Variants in DPP6 observed in about 807,000 individuals in gnomAD.
The protein encoded by DPP6 is A-type potassium channel modulatory protein DPP6.
DPP6 carries 69 observed loss-of-function variants against 122.6 expected under a neutral mutation model. The observed-to-expected ratio is 0.56, with a 90% CI of 0.46 to 0.69. The LOEUF (loss-of-function observed/expected upper bound fraction) is 0.69, where lower values mean the gene tolerates loss of function less well. Among genes scored for constraint, DPP6 ranks in the 30% least tolerant of loss-of-function variants. DPP6 has a pLI of 0.00. For missense variants in DPP6, 928 were observed against 1,116.9 expected (o/e 0.83, Z 2.41); for synonymous variants, 418 against 433.1 (o/e 0.97, Z 0.43).
At chr7:154,128,569 T>C (rs964884863) in intron 1 of DPP6, among the ~76,000 whole-genome samples, 14 of 152,168 alleles carry the variant, frequency 9.2e-5, no homozygotes, top group Admixed American at 2.0e-4. Context: ...GCCTGGCTAA[T>C]TTTTTGTATT....
At chr7:154,813,883 T>TA (rs1305580399) in intron 16 of DPP6, among the ~76,000 whole-genome samples, 1 of 145,596 alleles carries the variant, frequency 6.9e-6, no homozygotes, top group East Asian at 2.0e-4. Flanking sequence ...ATTTCTTTTT[T>TA]TTTTTTTTTT....
intron 1 of DPP6, among the ~76,000 whole-genome samples, chr7:154,325,289 C>T (rs1241833488): frequency 2.0e-5 from 3 of 152,176 alleles, no homozygotes; most frequent in Non-Finnish European, 4.4e-5. Flanking sequence ...CCTTGTACCA[C>T]CCAGTGTCTC....
At chr7:154,277,536 G>A (rs1048957800) in intron 1 of DPP6, among the ~76,000 whole-genome samples, 1 of 152,182 alleles carries the variant, frequency 6.6e-6, no homozygotes, top group African/African-American at 2.4e-5. Flanking sequence ...GGCTGAGGTG[G>A]GCAGATCACT....
the DPP6 span, among the ~76,000 whole-genome samples, chr7:153,794,703 C>T: frequency 6.6e-6 from 1 of 152,056 alleles, no homozygotes; most frequent in African/African-American, 2.4e-5. Flanking sequence ...TCGGCTCTGT[C>T]CCCACCCAAA....
Position 154,090,922 on chromosome 7 carries a change from C to T in DPP6, c.243+37859C>T, listed in dbSNP as rs953192526. ...GATCACAAAGTCAGGAGATCGAGACCATCCTGGCTAACACAGTGAAACCCC... is the reference window on the plus strand; with the variant it reads ...GATCACAAAGTCAGGAGATCGAGACTATCCTGGCTAACACAGTGAAACCCC... On this transcript the variant is annotated intron_variant, in intron 1 of 25. Coordinates refer to ENST00000377770, the MANE Select transcript of DPP6 (RefSeq NM_130797.4). Among the ~76,000 whole-genome samples, 12 of 149,174 alleles carry T rather than the reference C, an allele frequency of 8.0e-5. 1 individual carries two copies. Among genetic ancestry groups the T allele is most frequent in the Non-Finnish European group, 8.9e-5 (6 of 67,376 alleles).
rs2533839 is a variant in DPP6, at chr7:154,018,014, G to T, written c.51+130280G>T. 2.2e-3 allele frequency among the ~76,000 whole-genome samples: 339 copies of T among 152,246 alleles called. 2 individuals carry two copies. The highest frequency in any genetic ancestry group is 7.2e-3 in the African/African-American group (299 of 41,506). On this transcript the variant is annotated intron_variant, in intron 1 of 25. Coordinates refer to the DPP6 transcript ENST00000404039. Reference sequence around the variant, plus strand: ...CAGGGCCAGATGAAATTCACATGAAGGAGGAACACCTGATCTGTATGGCCC... The same window carrying T: ...CAGGGCCAGATGAAATTCACATGAATGAGGAACACCTGATCTGTATGGCCC...
rs1220527723 is a variant in DPP6, at chr7:154,241,241, A to G, written c.243+188178A>G. 1.3e-5 allele frequency among the ~76,000 whole-genome samples: 2 copies of G among 151,640 alleles called. No individual in the cohort carries two copies. Among genetic ancestry groups the G allele is most frequent in the East Asian group, 3.9e-4 (2 of 5,176 alleles). On this transcript the variant is annotated intron_variant, in intron 1 of 25. Transcript: ENST00000377770. This position sits in a 1 kb window ranked among gnomAD's most constrained non-coding sequence, Gnocchi z 9.0. The stretch of plus-strand genomic sequence containing the variant: ...TGTGTATATATATATAGAGAGAGAG[A>G]GAGACACTTTTATCCATTTAGGAAG...
At chr7:154,308,561 A>G (rs766084513) in intron 1 of DPP6, among the ~76,000 whole-genome samples, 9 of 152,004 alleles carry the variant, frequency 5.9e-5, no homozygotes, top group South Asian at 4.2e-4. Context: ...TGATACTGAG[A>G]CTCCTCGGTG....
intron 1 of DPP6, among the ~76,000 whole-genome samples, chr7:153,934,514 T>C (rs982060898): frequency 6.6e-6 from 1 of 152,198 alleles, no homozygotes; most frequent in Non-Finnish European, 1.5e-5. Flanking sequence ...GCATAACTTC[T>C]GGAAGCTCAT....
intron 2 of DPP6, among the ~76,000 whole-genome samples, chr7:154,462,649 T>A (rs1280066309): frequency 6.6e-6 from 1 of 152,156 alleles, no homozygotes; most frequent in African/African-American, 2.4e-5. Flanking sequence ...TTTCTTTTTT[T>A]AAATTTTATT....
intron 5 of DPP6, among the ~76,000 whole-genome samples, chr7:154,607,417 T>C (rs1465473029): frequency 2.6e-5 from 3 of 115,424 alleles, no homozygotes; most frequent in Non-Finnish European, 3.9e-5. Context: ...AAAAATTAGC[T>C]GGGCATGGCG....
intron 1 of DPP6, among the ~76,000 whole-genome samples, chr7:154,405,863 T>C (rs1237842500): frequency 6.6e-6 from 1 of 152,210 alleles, no homozygotes; most frequent in African/African-American, 2.4e-5. Context: ...ATGTGAAGAT[T>C]TGTACTTTGT....
chr7:154,740,314 C>T lies in DPP6; in HGVS notation c.883+12427C>T, dbSNP rs114066816. Among the ~76,000 whole-genome samples, 275 of 147,030 alleles carry T rather than the reference C, an allele frequency of 1.9e-3. 2 individuals are homozygous for T. Among genetic ancestry groups the T allele is most frequent in the African/African-American group, 5.5e-3 (217 of 39,766 alleles). On this transcript the variant is annotated intron_variant, in intron 8 of 25. Transcript: ENST00000377770. ...CTCTAATTTCTTTTTTTTTTTTTTC[C>T]GTCTTCTTAAGTCACCTAAGGACAT...
At chr7:154,185,894 A>C (rs943442771) in intron 1 of DPP6, among the ~76,000 whole-genome samples, 1 of 152,222 alleles carries the variant, frequency 6.6e-6, no homozygotes, top group African/African-American at 2.4e-5. Flanking sequence ...TGCCTTTCCA[A>C]ATTAAAGCAT....
intron 1 of DPP6, among the ~76,000 whole-genome samples, chr7:154,395,515 T>C (rs1815002540): frequency 6.6e-6 from 1 of 152,240 alleles, no homozygotes. Context: ...TTTGATGCTG[T>C]TGTAAATGGA....
At chr7:154,891,861 C>T (rs531448316) in intron 25 of DPP6, among the ~76,000 whole-genome samples, 18 of 152,318 alleles carry the variant, frequency 1.2e-4, no homozygotes, top group African/African-American at 4.1e-4. Flanking sequence ...ACTGGGATTA[C>T]AGGCATGAAA....
intron 7 of DPP6, among the ~76,000 whole-genome samples, chr7:154,724,656 G>T (rs1441670794): frequency 1.3e-5 from 2 of 152,088 alleles, no homozygotes; most frequent in Non-Finnish European, 2.9e-5. Context: ...CTGGCTCCTG[G>T]CCTCCTGAGT....
chr7:154,458,514 C>T (rs772276895), intron 2 of DPP6, among the ~76,000 whole-genome samples: 2 of 152,154 alleles, frequency 1.3e-5, no homozygotes, highest in East Asian at 1.9e-4. Context: ...CCTCCAAGAG[C>T]GTGCAGCCCT....
At chr7:154,371,751 A>C (rs1411413233) in intron 1 of DPP6, among the ~76,000 whole-genome samples, 1 of 152,120 alleles carries the variant, frequency 6.6e-6, no homozygotes, top group Non-Finnish European at 1.5e-5. Context: ...CCGGGCAGAT[A>C]CCTGTGACCC....
Sources: allele counts gnomAD v4.1 joint callset (sites outside exome capture counted in the v4.1 genomes callset), GRCh38; gene constraint gnomAD v4.1.1; non-coding constraint Gnocchi (gnomAD v3.1); transcripts MANE v1.5; gene names NCBI Gene and HGNC (gene_info 2026-07-23, HGNC 2026-07-21).